Variants in PDSS2 observed in about 807,000 individuals in gnomAD.
The protein encoded by PDSS2 is all trans-polyprenyl-diphosphate synthase PDSS2.
PDSS2 carries 31 observed loss-of-function variants against 44.5 expected under a neutral mutation model. That is an observed-to-expected ratio of 0.70 (90% CI 0.52 to 0.94). PDSS2 has a LOEUF of 0.94. PDSS2 is among the 40% of genes least tolerant of loss of function. The pLI is 0.00. For missense variants in PDSS2, 452 were observed against 482.2 expected, an observed-to-expected ratio of 0.94 and a Z score of 0.59; for synonymous variants, 157 against 180.3, an observed-to-expected ratio of 0.87 and a Z score of 1.03.
intron 1 of PDSS2, among the ~76,000 whole-genome samples, chr6:107,421,439 A>G (rs902549451): frequency 6.6e-6 from 1 of 152,128 alleles, no homozygotes; most frequent in Non-Finnish European, 1.5e-5. Flanking sequence ...AACAACCCAA[A>G]TGTTTATGGT....
In PDSS2 at chr6:107,225,162, T is replaced by TATATA. The variant is rs1491560664; in HGVS notation, c.703-12881_703-12880insTATAT. Reference sequence around the variant, plus strand: ...TTATATATATATATATATATATATATTTTTTTTTTTTTTTTTTTTTTTTTT... The same window carrying TATATA: ...TTATATATATATATATATATATATATATATATTTTTTTTTTTTTTTTTTTTTTTTT... On this transcript the variant is annotated intron_variant, in intron 4 of 7. Coordinates refer to ENST00000369037, the MANE Select transcript of PDSS2 (RefSeq NM_020381.4). Among the ~76,000 whole-genome samples the TATATA allele has an allele frequency of 4.0e-3, 124 of 31,382 alleles. 3 individuals carry two copies. Among genetic ancestry groups the TATATA allele is most frequent in the African/African-American group, 0.016 (106 of 6,586 alleles). 20.6% of individuals were successfully genotyped at this position (31,382 alleles called of 152,430 possible).
At chr6:107,424,256 C>T (rs2114716530) in intron 1 of PDSS2, among the ~76,000 whole-genome samples, 1 of 151,860 alleles carries the variant, frequency 6.6e-6, no homozygotes, top group East Asian at 1.9e-4. Context: ...CCTATGTTGC[C>T]CAGGCTGGTA....
At chr6:107,311,734 G>A (rs1777052900) in intron 2 of PDSS2, among the ~76,000 whole-genome samples, 1 of 152,272 alleles carries the variant, frequency 6.6e-6, no homozygotes, top group South Asian at 2.1e-4. Flanking sequence ...GCTACTTTAT[G>A]GCTCTGTAGA....
At chr6:107,374,360 C>G (rs1779218999) in intron 1 of PDSS2, among the ~76,000 whole-genome samples, 1 of 152,122 alleles carries the variant, frequency 6.6e-6, no homozygotes. Context: ...AAAACTTACC[C>G]CCTCATCCAA....
chr6:107,387,863 T>C (rs1375910998), intron 1 of PDSS2, among the ~76,000 whole-genome samples: 1 of 152,204 alleles, frequency 6.6e-6, no homozygotes. Flanking sequence ...TACAAAAATG[T>C]ACAAAATTAC....
At chr6:107,287,879 C>T (rs1380813458) in intron 2 of PDSS2, among the ~76,000 whole-genome samples, 1 of 151,852 alleles carries the variant, frequency 6.6e-6, no homozygotes, top group Admixed American at 6.6e-5. Context: ...CCTATAGTCC[C>T]AGCTATTAGG....
chr6:107,238,142 A>G (rs1774292594), intron 4 of PDSS2, among the ~76,000 whole-genome samples: 1 of 152,154 alleles, frequency 6.6e-6, no homozygotes, highest in African/African-American at 2.4e-5. Context: ...ACTGAGGCCA[A>G]GCCAATAAGA....
intron 1 of PDSS2, among the ~76,000 whole-genome samples, chr6:107,384,753 A>AACACAC (rs982614515): frequency 2.0e-5 from 3 of 151,988 alleles, no homozygotes; most frequent in African/African-American, 4.8e-5. Flanking sequence ...TATTAATATT[A>AACACAC]ACACACACAC....
At chr6:107,196,284 G>A (rs1772560380) in intron 6 of PDSS2, among the ~76,000 whole-genome samples, 1 of 152,312 alleles carries the variant, frequency 6.6e-6, no homozygotes, top group East Asian at 1.9e-4. Flanking sequence ...GAACACATCT[G>A]TATTGCTCAC....
chr6:107,443,069 G>A (rs1781558141), intron 1 of PDSS2, among the ~76,000 whole-genome samples: 1 of 152,190 alleles, frequency 6.6e-6, no homozygotes, highest in African/African-American at 2.4e-5. Context: ...AGGGAGAGGA[G>A]GGATGTGGGT....
At chr6:107,187,960 A>T (rs1772231360) in intron 7 of PDSS2, among the ~76,000 whole-genome samples, 1 of 152,236 alleles carries the variant, frequency 6.6e-6, no homozygotes, top group African/African-American at 2.4e-5. Flanking sequence ...AAAAAAACAG[A>T]GCAAAGGTGG....
intron 2 of PDSS2, among the ~76,000 whole-genome samples, chr6:107,318,131 C>T (rs1048632077): frequency 2.0e-5 from 3 of 151,962 alleles, no homozygotes; most frequent in African/African-American, 4.8e-5. Context: ...CTGGTAAAGA[C>T]GCTTTTTTAA....
chr6:107,366,885 G>A (rs1301038763), intron 1 of PDSS2, among the ~76,000 whole-genome samples: 1 of 152,044 alleles, frequency 6.6e-6, no homozygotes, highest in Non-Finnish European at 1.5e-5. Context: ...GAAAGGCCCA[G>A]GCGCAGATGG....
chr6:107,167,126 T>G (rs1474044406), intron 7 of PDSS2, among the ~76,000 whole-genome samples: 3 of 152,238 alleles, frequency 2.0e-5, no homozygotes, highest in African/African-American at 7.2e-5. Flanking sequence ...TTTTGGTTGG[T>G]AGGCTATTAA....
At chr6:107,252,726 C>T (rs1223902940) in intron 3 of PDSS2, among the ~76,000 whole-genome samples, 2 of 152,004 alleles carry the variant, frequency 1.3e-5, no homozygotes, top group Admixed American at 6.6e-5. Flanking sequence ...CCCAGGAGTT[C>T]GAGACCAGCC....
At chr6:107,208,222 G>A (rs964999445) in intron 6 of PDSS2, among the ~76,000 whole-genome samples, 6 of 147,368 alleles carry the variant, frequency 4.1e-5, no homozygotes, top group African/African-American at 1.5e-4. Flanking sequence ...CTGACCTCTG[G>A]TGATCCACCT....
chr6:107,344,593 A>G (rs746301874), intron 1 of PDSS2, among the ~76,000 whole-genome samples: 3 of 152,082 alleles, frequency 2.0e-5, no homozygotes, highest in Admixed American at 6.6e-5. Flanking sequence ...CAAAGCTTCA[A>G]TTAGGTTTGA....
At chr6:107,269,157 G>A (rs1031899118) in intron 3 of PDSS2, among the ~76,000 whole-genome samples, 5 of 151,978 alleles carry the variant, frequency 3.3e-5, no homozygotes, top group Admixed American at 6.6e-5. Flanking sequence ...CCCGACCTCA[G>A]GTGATCTGCC....
In PDSS2 at chr6:107,273,326, A is replaced by G. The variant is rs899185677; in HGVS notation, c.630+703T>C. On this transcript the variant is annotated intron_variant, in intron 3 of 7. Coordinates refer to ENST00000369037, the MANE Select transcript of PDSS2 (RefSeq NM_020381.4). ...AGTGAGACCATGTCTCTATAACAAA[A>G]GGAAAAAAAAAACACTAAAAATGTT... Among the ~76,000 whole-genome samples, 5 of 152,138 alleles carry G rather than the reference A, an allele frequency of 3.3e-5. No homozygotes were observed. The East Asian group carries it at 9.7e-4, about 29-fold the overall frequency.
Sources: gnomAD v4.1 joint callset for allele counts (sites outside exome capture counted in the v4.1 genomes callset) on GRCh38, gnomAD v4.1.1 for gene constraint, MANE v1.5 for transcripts, NCBI Gene and HGNC (gene_info 2026-07-23, HGNC 2026-07-21) for gene names.